Variants in CEACAM20 observed in about 807,000 individuals in gnomAD.
CEACAM20 encodes the protein CEA cell adhesion molecule 20.
A neutral mutation model predicts 61.2 loss-of-function variants in CEACAM20; 50 were observed. The ratio of observed to expected loss-of-function variants is 0.82; its 90% CI spans 0.65 to 1.03. The LOEUF is 1.03. CEACAM20 is among the 50% of genes least tolerant of loss of function. The pLI is 0.00. For missense variants in CEACAM20, 683 were observed against 736.4 expected, an observed-to-expected ratio of 0.93 and a Z score of 0.84; for synonymous variants, 282 against 287.7, an observed-to-expected ratio of 0.98 and a Z score of 0.20.
chr19:44,529,353 TGCACACAC>T, intron 1 of CEACAM20, 97 bp downstream of exon 1: 2 of 836,282 alleles, frequency 2.4e-6, no homozygotes, highest in Non-Finnish European at 1.8e-6. Flanking sequence ...TTTCCTCGAG[TGCACACAC>T]ACACACACAC....
chr19:44,523,409 A>AAATGAATGAATGAATGAATG (rs147633867), intron 3 of CEACAM20, among the ~76,000 whole-genome samples: 1 of 149,792 alleles, frequency 6.7e-6, no homozygotes, highest in African/African-American at 2.5e-5. Flanking sequence ...ATCTTGTCTC[A>AAATGAATGAATGAATGAATG]AATGAATGAA....
chr19:44,522,031 C>T (rs1362758237), intron 4 of CEACAM20, among the ~76,000 whole-genome samples: 2 of 152,042 alleles, frequency 1.3e-5, no homozygotes, highest in Non-Finnish European at 2.9e-5. Flanking sequence ...TCCCTGTAGT[C>T]GGAGCCCTGC....
chr19:44,518,125 AG>A (rs1388081337), intron 5 of CEACAM20, among the ~76,000 whole-genome samples: 5,674 of 84,468 alleles, frequency 0.067, 439 homozygotes, highest in East Asian at 0.23. Context: ...GAAGGAAGGA[AG>A]GAAGGAAGGA....
chr19:44,526,604 C>T (rs560214270), intron 1 of CEACAM20, among the ~76,000 whole-genome samples: 1 of 151,866 alleles, frequency 6.6e-6, no homozygotes, highest in South Asian at 2.1e-4. Context: ...GGACCTGGCG[C>T]GGTGGCTCAT....
intron 6 of CEACAM20, among the ~76,000 whole-genome samples, chr19:44,513,505 G>A (rs1599668913): frequency 6.8e-6 from 1 of 147,112 alleles, no homozygotes; most frequent in African/African-American, 2.5e-5. Context: ...GTGGAGTGGC[G>A]TGACCTCAGC....
At chr19:44,512,837 C>T (rs770944375) in intron 8 of CEACAM20, 31 bp downstream of exon 8, 1 of 1,585,330 alleles carries the variant, frequency 6.3e-7, no homozygotes, top group Non-Finnish European at 8.7e-7. Context: ...TCACCCCTGC[C>T]CCAGGCATCA....
intron 6 of CEACAM20, among the ~76,000 whole-genome samples, chr19:44,516,529 T>TAAGA (rs1316431793): frequency 6.6e-6 from 1 of 152,210 alleles, no homozygotes; most frequent in Non-Finnish European, 1.5e-5. Context: ...CATTCTCTCT[T>TAAGA]GTCTGCCACC....
chr19:44,517,070 C>T lies in CEACAM20; in HGVS notation c.1185G>A (p.Glu395=). Residue 395 remains glutamate (E), a synonymous_variant, in exon 6 of 12, where the codon GAG becomes GAA. Transcript: ENST00000614924. The part of the protein sequence containing the change: ...YRWTLEHSTG[E]HLGEQLIIRA... ...TGATAATCAGCTGCTCACCCAGGTG[C>T]TCCCCGGTGGAGTGTTCAAGAGTCC... The T allele has an allele frequency of 6.2e-7, 1 of 1,607,784 alleles. No individual in the cohort carries two copies. The highest frequency in any genetic ancestry group is 8.5e-7 in the Non-Finnish European group (1 of 1,177,302).
intron 10 of CEACAM20, 30 bp downstream of exon 10, chr19:44,511,607 C>A (rs756678020): frequency 1.2e-6 from 2 of 1,605,802 alleles, no homozygotes; most frequent in African/African-American, 1.3e-5. Context: ...TTCATAGATT[C>A]TTTAACCAAA....
intron 11 of CEACAM20, among the ~76,000 whole-genome samples, chr19:44,508,227 T>A (rs1970874495): frequency 6.6e-6 from 1 of 152,230 alleles, no homozygotes; most frequent in Non-Finnish European, 1.5e-5. Context: ...AAGTCCATTC[T>A]TGGAATTGGA....
chr19:44,519,178 C>G (rs1366667686), intron 5 of CEACAM20, among the ~76,000 whole-genome samples: 6 of 152,142 alleles, frequency 3.9e-5, no homozygotes, highest in African/African-American at 1.4e-4. Context: ...TTTGCAACAT[C>G]CCCCAGATGG....
In CEACAM20 at chr19:44,520,761, AC is replaced by A. The variant is rs765479154; in HGVS notation, c.752-10del. On this transcript the variant is annotated splice_polypyrimidine_tract_variant and intron_variant, in intron 4 of 11. Transcript: ENST00000614924. ...AGGCATGGTCAGTGTTTCTGGAAAC[AC>A]GTGGAGATACACAGTCAGGTTCAGG... 2.7e-5 allele frequency: 43 copies of A among 1,609,398 alleles called. No individual in the cohort carries two copies. The highest frequency in any genetic ancestry group is 3.5e-5 in the Non-Finnish European group (41 of 1,177,804).
chr19:44,517,714 A>G (rs538920085), intron 5 of CEACAM20, among the ~76,000 whole-genome samples: 2 of 150,360 alleles, frequency 1.3e-5, no homozygotes, highest in East Asian at 3.9e-4. Context: ...AAAAAAAAAG[A>G]AAAAAAACTG....
intron 11 of CEACAM20, among the ~76,000 whole-genome samples, chr19:44,507,631 G>C (rs1408581728): frequency 6.6e-6 from 1 of 152,190 alleles, no homozygotes; most frequent in Non-Finnish European, 1.5e-5. Flanking sequence ...TTCTGAAATT[G>C]AGTTATCTGA....
chr19:44,519,157 C>A (rs1459212786), intron 5 of CEACAM20, among the ~76,000 whole-genome samples: 1 of 152,142 alleles, frequency 6.6e-6, no homozygotes, highest in Non-Finnish European at 1.5e-5. Context: ...CATCCCCATT[C>A]ATGATGACCC....
rs1568451780 is a variant in CEACAM20, at chr19:44,517,251, C to T, written c.1031-27G>A. 3.1e-6 allele frequency: 5 copies of T among 1,592,432 alleles called. No homozygotes were observed. In the East Asian group the frequency reaches 9.0e-5, roughly 29 times the overall value. ...TGTGTGTAAAGCCAAACGTGATGCA[C>T]CCTGGCCCCCATCAGCGAGTCATCC... is the stretch of plus-strand genomic sequence containing the variant. On this transcript the variant is annotated intron_variant, in intron 5 of 11. Transcript: ENST00000614924.
At chr19:44,522,595 C>G (rs1194855751) in intron 4 of CEACAM20, 39 bp downstream of exon 4, 2 of 1,596,294 alleles carry the variant, frequency 1.3e-6, no homozygotes, top group Non-Finnish European at 1.7e-6. Context: ...ATCTGACGCT[C>G]AGAAGAATGA....
Position 44,529,552 on chromosome 19 carries a change from C to T in CEACAM20, c.-43G>A, listed in dbSNP as rs1971652565. The T allele has an allele frequency of 1.3e-6, 2 of 1,599,534 alleles. No individual in the cohort carries two copies. Among genetic ancestry groups the T allele is most frequent in the Admixed American group, 3.3e-5 (2 of 59,850 alleles). ...TTCAGTGTGCCAGGCCGTCTGTCGC[C>T]CCGGCTTGCACACACAGATACAGTC... is the stretch of plus-strand genomic sequence containing the variant. On this transcript the variant is annotated 5_prime_UTR_variant, in exon 1 of 12. Transcript: ENST00000614924.
Position 44,524,111 on chromosome 19 carries a change from AG to A in CEACAM20, c.346del (p.Leu116CysfsTer30), listed in dbSNP as rs781608125. 1.9e-6 allele frequency: 3 copies of A among 1,608,592 alleles called. No homozygotes were observed. In the African/African-American group the frequency reaches 4.0e-5, roughly 21 times the overall value. ...LSIVFHERMQ[L>X]SKDGKILTIL... Reference sequence around the variant, plus strand: ...GGTGAGGATCTTGCCATCCTTGGACAGCTGCATGCGCTCATGGAACACAATG... The same window carrying A: ...GGTGAGGATCTTGCCATCCTTGGACACTGCATGCGCTCATGGAACACAATG... On this transcript the variant is annotated frameshift_variant, in exon 3 of 12. Transcript: ENST00000614924. LOFTEE classifies it high-confidence loss of function.
Sources: allele counts gnomAD v4.1 joint callset (sites outside exome capture counted in the v4.1 genomes callset), GRCh38; gene constraint gnomAD v4.1.1; transcripts MANE v1.5; gene names NCBI Gene and HGNC (gene_info 2026-07-23, HGNC 2026-07-21).